EYS: variants seen among roughly 807,000 people sequenced by gnomAD.
EYS encodes EGF-like photoreceptor maintenance factor.
A neutral mutation model predicts 282.1 loss-of-function variants in EYS; 250 were observed. That is an observed-to-expected ratio of 0.89 (90% confidence interval 0.80 to 0.98). The LOEUF (loss-of-function observed/expected upper bound fraction) is 0.98. EYS is among the 50% of genes least tolerant of loss of function. EYS has a pLI of 0.00. For synonymous variants in EYS, 1,355 were observed against 1,282.9 expected (o/e 1.06, Z -1.20); for missense variants, 4,016 against 3,709.0 (o/e 1.08, Z -2.15).
At chr6:65,348,780 T>C (rs1031713860) in intron 9 of EYS, among the ~76,000 whole-genome samples, 4 of 151,744 alleles carry the variant, frequency 2.6e-5, no homozygotes, top group African/African-American at 9.7e-5. Flanking sequence ...ACTCAAGAAA[T>C]CTTTGCCCAG....
chr6:65,700,141 T>TAAAAAAAAA (rs1554225521), intron 1 of EYS, among the ~76,000 whole-genome samples: 1 of 99,724 alleles, frequency 1.0e-5, no homozygotes, highest in African/African-American at 4.0e-5. Context: ...AAAAAAAAAC[T>TAAAAAAAAA]ATATTAAAAC....
At chr6:63,877,163 G>A (rs1562073787) in intron 35 of EYS, among the ~76,000 whole-genome samples, 1 of 152,084 alleles carries the variant, frequency 6.6e-6, no homozygotes, top group South Asian at 2.1e-4. Flanking sequence ...GGGCAGGCCT[G>A]GTGGTGACAA....
At position 65,490,629 on chromosome 6, in the gene EYS, T is replaced by C. The variant is rs975681501; in HGVS notation, c.827A>G (p.Asn276Ser). 12 of 1,612,024 alleles carry C rather than the reference T, an allele frequency of 7.4e-6. No homozygotes were observed. Among genetic ancestry groups the C allele is most frequent in the Non-Finnish European group, 1.0e-5 (12 of 1,178,460 alleles). ...FHGNCSNITS[N>S]SFICECDEQF... ...CTCATCACATTCACAAATGAAACTA[T>C]TTGAAGTAATATTGCTGCAGTTTCC... The change falls in exon 5 of 43, where the codon AAT becomes AGT. Residue 276 changes from asparagine to serine, a missense_variant. Transcript: ENST00000503581.
chr6:63,975,951 C>T (rs1256272162), intron 35 of EYS, among the ~76,000 whole-genome samples: 5 of 151,958 alleles, frequency 3.3e-5, no homozygotes, highest in African/African-American at 7.2e-5. Flanking sequence ...TCCACCTAGG[C>T]GATACAGTAT....
rs1772425377 is a variant in EYS, at chr6:63,857,510, T to A, written c.7228+6676A>T. 3 of 246,602 alleles carry A rather than the reference T, an allele frequency of 1.2e-5. No homozygotes were observed. In the South Asian group the frequency reaches 1.5e-4, roughly 13 times the overall value. 15.3% of individuals were successfully genotyped at this position (246,602 alleles called of 1,614,324 possible). A position where few individuals can be genotyped will look rare whatever the true frequency, so the allele number is the denominator to read the frequency against. ...CCGGCTTACTCTTCAAAGCCATAAG[T>A]ACTATTTCTCTGACATGCACGCAAT... On this transcript the variant is annotated intron_variant, in intron 36 of 42. Coordinates refer to ENST00000503581, the MANE Select transcript of EYS (RefSeq NM_001142800.2).
chr6:64,834,287 T>C (rs1765315201), intron 19 of EYS, among the ~76,000 whole-genome samples: 1 of 151,888 alleles, frequency 6.6e-6, no homozygotes, highest in Admixed American at 6.6e-5. Flanking sequence ...AGGCACAATA[T>C]GTTAGCACAA....
intron 28 of EYS, among the ~76,000 whole-genome samples, chr6:64,431,241 T>C (rs1324234901): frequency 6.6e-6 from 1 of 152,164 alleles, no homozygotes; most frequent in Non-Finnish European, 1.5e-5. Flanking sequence ...TCTGTCTTCA[T>C]GGTGTCTATC....
intron 13 of EYS, among the ~76,000 whole-genome samples, chr6:65,009,223 C>T (rs1304068910): frequency 6.6e-6 from 1 of 152,076 alleles, no homozygotes. Context: ...GGCAGTACCC[C>T]CTTAGACCTG....
intron 28 of EYS, among the ~76,000 whole-genome samples, chr6:64,390,104 A>T (rs1366434858): frequency 1.3e-5 from 2 of 152,000 alleles, no homozygotes; most frequent in African/African-American, 2.4e-5. Context: ...TATATCCCGC[A>T]CCTGGCTCCG....
At chr6:64,252,841 C>G (rs1017427999) in intron 30 of EYS, among the ~76,000 whole-genome samples, 4 of 152,150 alleles carry the variant, frequency 2.6e-5, no homozygotes, top group Non-Finnish European at 4.4e-5. Context: ...ACTGCAATAG[C>G]TTATTTATTT....
intron 24 of EYS, among the ~76,000 whole-genome samples, chr6:64,600,526 T>C (rs940514459): frequency 1.3e-5 from 2 of 152,192 alleles, no homozygotes; most frequent in African/African-American, 2.4e-5. Context: ...CTGGGCTAGA[T>C]AAATATTTTA....
chr6:64,837,719 C>T (rs1765431044), intron 19 of EYS, among the ~76,000 whole-genome samples: 1 of 146,490 alleles, frequency 6.8e-6, no homozygotes, highest in African/African-American at 2.5e-5. Context: ...AAGAGTCCAC[C>T]AAAAAACTTT....
chr6:65,280,772 C>G (rs1768194517), intron 12 of EYS, among the ~76,000 whole-genome samples: 2 of 151,194 alleles, frequency 1.3e-5, no homozygotes, highest in Admixed American at 1.3e-4. Flanking sequence ...AATCCCAGCA[C>G]TTTGGGAGGC....
chr6:65,199,987 G>A (rs1765860908), intron 12 of EYS, among the ~76,000 whole-genome samples: 1 of 152,062 alleles, frequency 6.6e-6, no homozygotes, highest in African/African-American at 2.4e-5. Context: ...GTTTTAGAGA[G>A]AATACTCTGT....
chr6:65,296,863 T>C (rs1048473279), intron 11 of EYS, among the ~76,000 whole-genome samples: 5 of 151,920 alleles, frequency 3.3e-5, no homozygotes, highest in Non-Finnish European at 4.4e-5. Flanking sequence ...TATGTAAATG[T>C]ATTTTAAATA....
intron 2 of EYS, among the ~76,000 whole-genome samples, chr6:65,549,330 A>T (rs1382654889): frequency 6.6e-6 from 1 of 151,844 alleles, no homozygotes; most frequent in Non-Finnish European, 1.5e-5. Context: ...CTGGAGATGC[A>T]GTATGTTTCC....
At chr6:64,004,916 G>A (rs1377541210) in intron 33 of EYS, among the ~76,000 whole-genome samples, 1 of 152,056 alleles carries the variant, frequency 6.6e-6, no homozygotes, top group Non-Finnish European at 1.5e-5. Context: ...ATAGTGCTGT[G>A]ATGAACATAT....
intron 2 of EYS, among the ~76,000 whole-genome samples, chr6:65,570,902 C>T (rs951036750): frequency 2.0e-5 from 3 of 151,922 alleles, no homozygotes; most frequent in Non-Finnish European, 4.4e-5. Context: ...TTTTTACTTG[C>T]TCCTTTGTTT....
At chr6:64,801,739 C>T (rs1326727752) in intron 22 of EYS, among the ~76,000 whole-genome samples, 3 of 151,926 alleles carry the variant, frequency 2.0e-5, no homozygotes, top group Non-Finnish European at 4.4e-5. Context: ...CAAAATCATA[C>T]CATAATTTTA....
Sources: gnomAD v4.1 joint callset for allele counts (sites outside exome capture counted in the v4.1 genomes callset) on GRCh38, gnomAD v4.1.1 for gene constraint, MANE v1.5 for transcripts, NCBI Gene and HGNC (gene_info 2026-07-23, HGNC 2026-07-21) for gene names.